Variants in ASPRV1 observed in about 807,000 individuals in gnomAD.
ASPRV1 encodes the protein retroviral-like aspartic protease 1.
ASPRV1 carries 7 observed loss-of-function variants against 11.0 expected under a neutral mutation model. The ratio of observed to expected loss-of-function variants is 0.64; its 90% CI spans 0.36 to 1.20. The LOEUF is 1.20. ASPRV1 is among the 50% of genes most tolerant of loss of function. The pLI is 0.02. For synonymous variants in ASPRV1, 136 were observed against 138.4 expected, an observed-to-expected ratio of 0.98 and a Z score of 0.12; for missense variants, 299 against 320.0, an observed-to-expected ratio of 0.93 and a Z score of 0.50.
chr2:69,957,961 T>A (rs1365737408), downstream of ASPRV1, among the ~76,000 whole-genome samples: 3 of 152,130 alleles, frequency 2.0e-5, no homozygotes, highest in East Asian at 5.8e-4. Flanking sequence ...CTTTACTCCA[T>A]CCTATACCCA....
the ASPRV1 span, among the ~76,000 whole-genome samples, chr2:70,021,211 T>C: frequency 1.3e-5 from 2 of 152,188 alleles, no homozygotes; most frequent in African/African-American, 4.8e-5. Context: ...GGTTTATCCA[T>C]GTTGTCACAG....
the ASPRV1 span, among the ~76,000 whole-genome samples, chr2:70,032,528 T>C: frequency 6.6e-6 from 1 of 151,182 alleles, no homozygotes; most frequent in Non-Finnish European, 1.5e-5. Context: ...CATGGTGGTA[T>C]GCACCTGTAG....
the ASPRV1 span, among the ~76,000 whole-genome samples, chr2:70,021,644 T>A: frequency 2.6e-5 from 4 of 151,426 alleles, no homozygotes; most frequent in Non-Finnish European, 5.9e-5. Flanking sequence ...AGATATCTGC[T>A]GTCCAATATA....
At chr2:70,084,211 A>G in the ASPRV1 span, among the ~76,000 whole-genome samples, 1 of 152,226 alleles carries the variant, frequency 6.6e-6, no homozygotes, top group African/African-American at 2.4e-5. Flanking sequence ...GACCTGACAG[A>G]TAAAATTTTC....
At chr2:69,938,242 A>G in the ASPRV1 span, 2 of 1,614,180 alleles carry the variant, frequency 1.2e-6, no homozygotes, top group Non-Finnish European at 1.7e-6. Flanking sequence ...GCATCAAGAG[A>G]ATAAAGCTGC....
the ASPRV1 span, among the ~76,000 whole-genome samples, chr2:70,057,770 C>T: frequency 2.0e-5 from 3 of 151,772 alleles, no homozygotes; most frequent in Non-Finnish European, 4.4e-5. Flanking sequence ...TGAGCCACTG[C>T]GCCCAGCCAG....
the ASPRV1 span, among the ~76,000 whole-genome samples, chr2:70,024,536 C>G: frequency 6.6e-6 from 1 of 152,206 alleles, no homozygotes; most frequent in Non-Finnish European, 1.5e-5. Flanking sequence ...CCCCAAGGGG[C>G]AGCACCCCTG....
the ASPRV1 span, among the ~76,000 whole-genome samples, chr2:70,042,436 G>T: frequency 6.6e-6 from 1 of 152,170 alleles, no homozygotes; most frequent in Non-Finnish European, 1.5e-5. Flanking sequence ...GGGAAAGTGT[G>T]GAAAGTCCCT....
the ASPRV1 span, among the ~76,000 whole-genome samples, chr2:69,983,626 G>A: frequency 6.6e-6 from 1 of 152,184 alleles, no homozygotes; most frequent in Non-Finnish European, 1.5e-5. Context: ...CTGAGGAATG[G>A]GGGAGGGTAG....
At chr2:70,064,771 T>C in the ASPRV1 span, among the ~76,000 whole-genome samples, 1 of 152,184 alleles carries the variant, frequency 6.6e-6, no homozygotes, top group African/African-American at 2.4e-5. Flanking sequence ...GACATTGTCC[T>C]AGGTGCTAGG....
Position 69,960,979 on chromosome 2 carries a change from T to C in ASPRV1, c.458A>G (p.Gln153Arg), listed in dbSNP as rs1678075103. 3.7e-6 allele frequency: 6 copies of C among 1,613,958 alleles called. No individual in the cohort carries two copies. In the South Asian group the frequency reaches 4.4e-5, roughly 12 times the overall value. ...CACCTTTACCACATTCTCAAAGGGC[T>C]GCAGGGTGTCCAGATCGCCATCAGT... ...EVTDGDLDTL[Q>R]PFENVVKVAN... The change falls in exon 1 of 1, where the codon CAG (glutamine) becomes CGG (arginine). Residue 153 changes from glutamine to arginine, a missense_variant. By Grantham distance (43) the Gln-to-Arg change is conservative. Coordinates refer to ENST00000320256, the MANE Select transcript of ASPRV1 (RefSeq NM_152792.4).
chr2:70,051,077 G>C, the ASPRV1 span: 1 of 152,156 alleles, frequency 6.6e-6, no homozygotes, highest in Non-Finnish European at 1.5e-5. Flanking sequence ...TGAGTGCTAT[G>C]TTTCAGTTAC....
At chr2:70,053,255 TGTA>T in the ASPRV1 span, among the ~76,000 whole-genome samples, 1 of 151,888 alleles carries the variant, frequency 6.6e-6, no homozygotes, top group Non-Finnish European at 1.5e-5. Context: ...CTCTTACATA[TGTA>T]AGAGCAGACT....
chr2:70,030,714 CTGTATG>C, the ASPRV1 span: 1 of 152,086 alleles, frequency 6.6e-6, no homozygotes, highest in Non-Finnish European at 1.5e-5. Context: ...ACAAAATTCT[CTGTATG>C]TGTATGTGTG....
the ASPRV1 span, among the ~76,000 whole-genome samples, chr2:69,947,820 C>A: frequency 1.3e-5 from 2 of 151,976 alleles, no homozygotes; most frequent in Non-Finnish European, 2.9e-5. Context: ...GGGTGGTGCC[C>A]CAGGGCTGGA....
At chr2:70,068,590 G>A in the ASPRV1 span, among the ~76,000 whole-genome samples, 1 of 152,140 alleles carries the variant, frequency 6.6e-6, no homozygotes, top group East Asian at 1.9e-4. Flanking sequence ...TGAATAGAAA[G>A]GAGGTAAGGA....
chr2:70,085,814 A>T, the ASPRV1 span: 2 of 152,392 alleles, frequency 1.3e-5, no homozygotes, highest in South Asian at 2.1e-4. Context: ...AATAAGATTC[A>T]CCGGCCAACT....
downstream of ASPRV1, among the ~76,000 whole-genome samples, chr2:69,956,344 A>G (rs1328637419): frequency 6.6e-6 from 1 of 151,856 alleles, no homozygotes; most frequent in Non-Finnish European, 1.5e-5. Flanking sequence ...GCTACTTTGG[A>G]GGCTGAGTCA....
the ASPRV1 span, among the ~76,000 whole-genome samples, chr2:69,949,396 G>T: frequency 6.6e-6 from 1 of 152,184 alleles, no homozygotes; most frequent in Non-Finnish European, 1.5e-5. Flanking sequence ...CCAAGCAGAG[G>T]TGATGAAACA....
Sources: gnomAD v4.1 joint callset for allele counts (sites outside exome capture counted in the v4.1 genomes callset) on GRCh38, gnomAD v4.1.1 for gene constraint, MANE v1.5 for transcripts, NCBI Gene and HGNC (gene_info 2026-07-23, HGNC 2026-07-21) for gene names.